Variants in AGBL1 observed in about 807,000 individuals in gnomAD.
The protein encoded by AGBL1 is AGBL carboxypeptidase 1.
Under a neutral mutation model 118.9 loss-of-function variants are expected in AGBL1, and 130 were observed. The observed-to-expected ratio is 1.09, with a 90% confidence interval of 0.95 to 1.26. The LOEUF (loss-of-function observed/expected upper bound fraction) is 1.26. AGBL1 is among the 50% of genes most tolerant of loss of function. The pLI is 0.00. For missense variants in AGBL1, 1,584 were observed against 1,298.1 expected (o/e 1.22, Z -3.38); for synonymous variants, 555 against 478.9 (o/e 1.16, Z -2.08).
intron 23 of AGBL1, among the ~76,000 whole-genome samples, chr15:86,929,590 A>C (rs1281442100): frequency 2.0e-5 from 3 of 152,190 alleles, no homozygotes; most frequent in Non-Finnish European, 4.4e-5. Flanking sequence ...CTAGCAAGTC[A>C]CAAAATTATG....
chr15:86,701,795 C>T (rs1227125249), intron 22 of AGBL1, among the ~76,000 whole-genome samples: 7 of 149,122 alleles, frequency 4.7e-5, no homozygotes, highest in Admixed American at 1.3e-4. Flanking sequence ...CCCACTCCTT[C>T]CTTCCCTCCT....
chr15:86,911,917 C>A lies in AGBL1; in HGVS notation c.*4623C>A, dbSNP rs1210562341. The A allele has an allele frequency of 6.6e-6, 1 of 152,150 alleles. No homozygotes were observed. Among genetic ancestry groups the A allele is most frequent in the Non-Finnish European group, 1.5e-5 (1 of 68,046 alleles). 9.4% of individuals were successfully genotyped at this position (152,150 alleles called of 1,614,324 possible). A position where few individuals can be genotyped will look rare whatever the true frequency, so the allele number is the denominator to read the frequency against. ...TTGATAAATATGTCTTTTATACCCA[C>A]ACCCCCATTCACCATTGAATAGTGA... On this transcript the variant is annotated 3_prime_UTR_variant, in exon 23 of 23. Transcript: ENST00000614907.
chr15:86,864,394 G>T (rs544651218), intron 22 of AGBL1, among the ~76,000 whole-genome samples: 1 of 152,164 alleles, frequency 6.6e-6, no homozygotes, highest in Non-Finnish European at 1.5e-5. Flanking sequence ...AGGCACGATT[G>T]TAAGTACTTT....
intron 23 of AGBL1, among the ~76,000 whole-genome samples, chr15:86,944,832 A>C (rs1411495303): frequency 6.6e-6 from 1 of 152,172 alleles, no homozygotes; most frequent in Non-Finnish European, 1.5e-5. Flanking sequence ...AGAATCTTTA[A>C]GATAGAGTGA....
At position 86,930,733 on chromosome 15, in the gene AGBL1, A is replaced by G. The variant is rs144485225; in HGVS notation, c.3222-57254A>G. On this transcript the variant is annotated intron_variant, in intron 23 of 24. Coordinates refer to the AGBL1 transcript ENST00000441037. ...AACAATTATTTTCAAAGTGAGATAGATCAGGGATCCCTCTTAGGGGCCTGC... is the reference window on the plus strand; with the variant it reads ...AACAATTATTTTCAAAGTGAGATAGGTCAGGGATCCCTCTTAGGGGCCTGC... Among the ~76,000 whole-genome samples, 148 of 152,314 alleles carry G rather than the reference A, an allele frequency of 9.7e-4. 1 individual carries two copies. The highest frequency in any genetic ancestry group is 8.1e-3 in the Admixed American group (124 of 15,304).
intron 1 of AGBL1, among the ~76,000 whole-genome samples, chr15:86,122,152 T>C (rs1173570800): frequency 6.6e-6 from 1 of 152,132 alleles, no homozygotes; most frequent in Non-Finnish European, 1.5e-5. Flanking sequence ...TGATGGAAAA[T>C]AGTCATTGGA....
intron 22 of AGBL1, among the ~76,000 whole-genome samples, chr15:86,709,620 A>C (rs1354580385): frequency 1.3e-5 from 2 of 152,184 alleles, no homozygotes; most frequent in Non-Finnish European, 2.9e-5. Flanking sequence ...AAAACCAAAG[A>C]ATAGCCAACA....
At chr15:86,083,081 CTG>C (rs141526984) in intron 1 of AGBL1, among the ~76,000 whole-genome samples, 39 of 152,296 alleles carry the variant, frequency 2.6e-4, no homozygotes, top group East Asian at 2.5e-3. Context: ...GTTTGAATGA[CTG>C]TGGTTTTATG....
chr15:86,087,019 C>G (rs1895702744), intron 1 of AGBL1, among the ~76,000 whole-genome samples: 1 of 152,136 alleles, frequency 6.6e-6, no homozygotes. Flanking sequence ...CTATGTTCAG[C>G]TTTATAGATA....
At chr15:86,887,416 C>G (rs1199121920) in intron 22 of AGBL1, among the ~76,000 whole-genome samples, 1 of 152,232 alleles carries the variant, frequency 6.6e-6, no homozygotes, top group Non-Finnish European at 1.5e-5. Context: ...TGAACTCAGA[C>G]TTCACTGAGC....
Position 86,910,188 on chromosome 15 carries a change from T to A in AGBL1, c.*2894T>A. On this transcript the variant is annotated 3_prime_UTR_variant, in exon 23 of 23. Transcript: ENST00000614907. ...CAAAAGAAGGTCATAATTTGGGTGA[T>A]TCTTGAAGAATATGCAGGAGTTTTC... 6.6e-6 allele frequency: 1 copy of A among 152,246 alleles called. No homozygotes were observed. The highest frequency in any genetic ancestry group is 1.9e-4 in the East Asian group (1 of 5,194). 9.4% of individuals were successfully genotyped at this position (152,246 alleles called of 1,614,324 possible). A position where few individuals can be genotyped will look rare whatever the true frequency, so the allele number is the denominator to read the frequency against.
In AGBL1 at chr15:86,702,295, T is replaced by C. The variant is rs118163481; in HGVS notation, c.3158+27859T>C. Among the ~76,000 whole-genome samples the C allele has an allele frequency of 7.3e-3, 1,111 of 152,220 alleles. 6 individuals carry two copies. Among genetic ancestry groups the C allele is most frequent in the Middle Eastern group, 0.014 (4 of 294 alleles). On this transcript the variant is annotated intron_variant, in intron 22 of 22. Coordinates refer to ENST00000614907, the MANE Select transcript of AGBL1 (RefSeq NM_001386094.1). ...ATATTATACCTGTAATAATTCCCCA[T>C]AGACTAATAAAAATATTTTACTTTC...
At chr15:86,851,556 TTATTA>T (rs2141459417) in intron 22 of AGBL1, among the ~76,000 whole-genome samples, 1 of 152,274 alleles carries the variant, frequency 6.6e-6, no homozygotes, top group South Asian at 2.1e-4. Flanking sequence ...GAAAACATCT[TTATTA>T]TAAGAGCAAG....
chr15:86,373,755 C>T (rs896642581), intron 17 of AGBL1, among the ~76,000 whole-genome samples: 3 of 152,180 alleles, frequency 2.0e-5, no homozygotes, highest in Admixed American at 6.5e-5. Context: ...GTCTCACATT[C>T]GGTCTGGGTT....
Position 86,327,095 on chromosome 15 carries a change from A to G in AGBL1, c.2374+31687A>G, listed in dbSNP as rs1382160991. Among the ~76,000 whole-genome samples the G allele has an allele frequency of 2.6e-5, 4 of 152,290 alleles. No homozygotes were observed. The East Asian group carries it at 7.7e-4, about 29-fold the overall frequency. On this transcript the variant is annotated intron_variant, in intron 17 of 22. Coordinates refer to ENST00000614907, the MANE Select transcript of AGBL1 (RefSeq NM_001386094.1). ...CAAAGAGGGACAGAGGTAAAGGATC[A>G]GTGGTAAGGAAGACTGTGGATTTCT... is the stretch of plus-strand genomic sequence containing the variant.
In AGBL1 at chr15:86,718,880, A is replaced by G. The variant is rs149170680; in HGVS notation, c.3158+44444A>G. ...TGATTCCACCAAGTTAACTATTAATATTAGTCCTATCCACCCTTAAATCTA... is the reference window on the plus strand; with the variant it reads ...TGATTCCACCAAGTTAACTATTAATGTTAGTCCTATCCACCCTTAAATCTA... On this transcript the variant is annotated intron_variant, in intron 22 of 22. Transcript: ENST00000614907. Among the ~76,000 whole-genome samples, 4 of 152,310 alleles carry G rather than the reference A, an allele frequency of 2.6e-5. No individual in the cohort carries two copies. The East Asian group carries it at 7.7e-4, about 29-fold the overall frequency.
chr15:86,175,428 T>C (rs1279462050), intron 5 of AGBL1, among the ~76,000 whole-genome samples: 1 of 152,038 alleles, frequency 6.6e-6, no homozygotes, highest in East Asian at 1.9e-4. Flanking sequence ...GTTAGCAGTT[T>C]ATTGATTTTA....
At chr15:86,209,849 C>T (rs541077075) in intron 5 of AGBL1, among the ~76,000 whole-genome samples, 2 of 152,316 alleles carry the variant, frequency 1.3e-5, no homozygotes, top group South Asian at 4.1e-4. Context: ...GAATTTTATC[C>T]TGTCATTATG....
chr15:86,641,861 C>T (rs1012088375), intron 21 of AGBL1, among the ~76,000 whole-genome samples: 2 of 152,170 alleles, frequency 1.3e-5, no homozygotes, highest in Non-Finnish European at 2.9e-5. Flanking sequence ...AAACAACAAG[C>T]ATTCATTTTC....
Sources: gnomAD v4.1 joint callset for allele counts (sites outside exome capture counted in the v4.1 genomes callset) on GRCh38, gnomAD v4.1.1 for gene constraint, MANE v1.5 for transcripts, NCBI Gene and HGNC (gene_info 2026-07-23, HGNC 2026-07-21) for gene names.